Variants in SPRTN observed in about 807,000 individuals in gnomAD.
SPRTN encodes the protein SprT-like N-terminal domain.
Under a neutral mutation model 31.9 loss-of-function variants are expected in SPRTN, and 11 were observed. The ratio of observed to expected loss-of-function variants is 0.34; its 90% CI spans 0.22 to 0.57. The LOEUF (loss-of-function observed/expected upper bound fraction) is 0.57, where lower values mean the gene tolerates loss of function less well. Among genes scored for constraint, SPRTN ranks in the 20% least tolerant of loss-of-function variants. The pLI, the probability that SPRTN is intolerant of heterozygous loss-of-function variation, is 0.86. For synonymous variants in SPRTN, 185 were observed against 212.1 expected (o/e 0.87, Z 1.11); for missense variants, 482 against 590.1 (o/e 0.82, Z 1.90).
rs748708065 is a variant in SPRTN at position 231,352,949 on chromosome 1, G to A, written c.1058G>A (p.Ser353Asn). ...FRGVNGSPRI[S>N]VTVGNIPKNS... ...GGTGTGAATGGATCTCCAAGGATAA[G>A]TGTAACAGTTGGCAACATCCCTAAA... The change falls in exon 5 of 5, where the codon AGT becomes AAT. Residue 353 changes from serine (S) to asparagine (N), a missense_variant. By Grantham distance (46) the Ser-to-Asn change is conservative. This residue lies in a region of SPRTN where 325 missense variants were observed against 350.2 expected (regional missense o/e 0.93). Transcript: ENST00000295050. 3 of 1,614,128 alleles carry A rather than the reference G, an allele frequency of 1.9e-6. No individual in the cohort carries two copies. Among genetic ancestry groups the A allele is most frequent in the South Asian group, 1.1e-5 (1 of 91,084 alleles).
rs756620551 is a variant in SPRTN at position 231,338,404 on chromosome 1, G to A, written c.21G>A (p.Leu7=). The A allele has an allele frequency of 3.7e-6, 6 of 1,614,130 alleles. No homozygotes were observed. In the African/African-American group the frequency reaches 5.3e-5, roughly 14 times the overall value. MDDDLM[L]ALRLQEEWNL... ...CAACGATGGATGATGACTTGATGTT[G>A]GCACTGCGGCTTCAGGAGGAGTGGA... Residue 7 remains leucine, a synonymous_variant, in exon 1 of 5, where the codon TTG becomes TTA. Transcript: ENST00000295050.
Position 231,354,378 on chromosome 1 carries a change from T to G in SPRTN, c.*1017T>G, listed in dbSNP as rs1324054524. On this transcript the variant is annotated 3_prime_UTR_variant, in exon 5 of 5. Coordinates refer to ENST00000295050, the MANE Select transcript of SPRTN (RefSeq NM_032018.7). Reference sequence around the variant, plus strand: ...CCCTAACACAGTTGTTCACAAGTTTTCTTTTTTCTTGTTGCAATTTTCCTT... The same window carrying G: ...CCCTAACACAGTTGTTCACAAGTTTGCTTTTTTCTTGTTGCAATTTTCCTT... 10 of 985,268 alleles carry G rather than the reference T, an allele frequency of 1.0e-5. No homozygotes were observed. The African/African-American group carries it at 1.7e-4, about 17-fold the overall frequency. 61.0% of individuals were successfully genotyped at this position (985,268 alleles called of 1,614,324 possible).
At position 231,338,302 on chromosome 1, in the gene SPRTN, C is replaced by T. The variant is rs983248765; in HGVS notation, c.-82C>T. The T allele has an allele frequency of 1.1e-5, 17 of 1,490,660 alleles. No individual in the cohort carries two copies. The African/African-American group carries it at 1.6e-4, about 14-fold the overall frequency. The allele number at this position is 1,490,660 out of a possible 1,614,324, so 92.3% of individuals were successfully genotyped here. A position where few individuals can be genotyped will look rare whatever the true frequency, so the allele number is the denominator to read the frequency against. On this transcript the variant is annotated 5_prime_UTR_variant, in exon 1 of 5. Coordinates refer to ENST00000295050, the MANE Select transcript of SPRTN (RefSeq NM_032018.7). ...GCATCTCCTAGGAGCTAGTCCTGGTCCTCGGCTAGGCGGCTTGGGGTCGCG... is the reference window on the plus strand; with the variant it reads ...GCATCTCCTAGGAGCTAGTCCTGGTTCTCGGCTAGGCGGCTTGGGGTCGCG...
At position 231,352,990 on chromosome 1, in the gene SPRTN, A is replaced by C. The variant is rs1307460421; in HGVS notation, c.1099A>C (p.Ser367Arg). 1.2e-6 allele frequency: 2 copies of C among 1,614,038 alleles called. No homozygotes were observed. Among genetic ancestry groups the C allele is most frequent in the African/African-American group, 2.7e-5 (2 of 74,938 alleles). ...CATCCCTAAAAACTCAGTCTCTTCT[A>C]GTTCTCAGAGAAGGGTTTCATCTTC... is the stretch of plus-strand genomic sequence containing the variant. ...GNIPKNSVSS[S>R]SQRRVSSSKI... Residue 367 changes from serine to arginine, a missense_variant, in exon 5 of 5, where the codon AGT (serine) becomes CGT (arginine). Ser to Arg is a moderately radical substitution (Grantham distance 110). Transcript: ENST00000295050.
intron 2 of SPRTN, among the ~76,000 whole-genome samples, chr1:231,343,619 C>T (rs1401121002): frequency 1.3e-5 from 2 of 152,036 alleles, no homozygotes; most frequent in African/African-American, 2.4e-5. Flanking sequence ...TTGGACTAAA[C>T]GTCGTCTTTA....
chr1:231,342,634 T>G (rs960221564), intron 2 of SPRTN, among the ~76,000 whole-genome samples: 1 of 151,880 alleles, frequency 6.6e-6, no homozygotes, highest in Non-Finnish European at 1.5e-5. Flanking sequence ...TTTCACCATG[T>G]TGGCTGGTCT....
intron 1 of SPRTN, 117 bp downstream of exon 1, chr1:231,338,721 G>T (rs1686768253): frequency 8.0e-7 from 1 of 1,247,818 alleles, no homozygotes. Context: ...TAAATGAGGG[G>T]AGTCTGGTTT....
intron 3 of SPRTN, among the ~76,000 whole-genome samples, chr1:231,348,672 G>A (rs1257847859): frequency 2.0e-5 from 3 of 152,000 alleles, no homozygotes; most frequent in East Asian, 1.9e-4. Flanking sequence ...TCCCTGAGGC[G>A]TGCCACTGCT....
intron 3 of SPRTN, 30 bp from the exon 4 acceptor site, chr1:231,351,274 T>G: frequency 6.7e-7 from 1 of 1,492,706 alleles, no homozygotes; most frequent in Admixed American, 2.4e-5. Context: ...AACTTGCTTA[T>G]TGAATACTAA....
intron 3 of SPRTN, among the ~76,000 whole-genome samples, chr1:231,349,608 G>A (rs1687162219): frequency 6.6e-6 from 1 of 152,188 alleles, no homozygotes; most frequent in Non-Finnish European, 1.5e-5. Context: ...GTTACATCCT[G>A]TTATAAGGAA....
rs1558360088 is a variant in SPRTN at position 231,338,536 on chromosome 1, G to GT, written c.156dup (p.Asn53Ter). The GT allele has an allele frequency of 5.6e-6, 9 of 1,614,136 alleles. No homozygotes were observed. Among genetic ancestry groups the GT allele is most frequent in the Non-Finnish European group, 7.6e-6 (9 of 1,180,058 alleles). On this transcript the variant is annotated frameshift_variant, in exon 1 of 5. Transcript: ENST00000295050. LOFTEE classifies it high-confidence loss of function. ...CGGACTTGCAGGCACTGTTTGTTCA[G>GT]TTTAACGACCAATTCTTCTGGGGCC...
At chr1:231,352,284 G>T in intron 4 of SPRTN, 1 of 1,040,990 alleles carries the variant, frequency 9.6e-7, no homozygotes, top group African/African-American at 1.7e-5. Context: ...ATAAGAATGA[G>T]GCAGCAGATT....
chr1:231,350,321 A>T (rs1047784414), intron 3 of SPRTN, among the ~76,000 whole-genome samples: 1 of 152,228 alleles, frequency 6.6e-6, no homozygotes, highest in Non-Finnish European at 1.5e-5. Flanking sequence ...TTACATACAG[A>T]TGCTTCTCAC....
Position 231,353,938 on chromosome 1 carries a change from A to C in SPRTN, c.*577A>C. On this transcript the variant is annotated 3_prime_UTR_variant, in exon 5 of 5. Coordinates refer to ENST00000295050, the MANE Select transcript of SPRTN (RefSeq NM_032018.7). ...GAATTTTATTTGTCCCACTTTTACT[A>C]AACAGTGGCAGCAGATTTTAAGTTA... 1 of 931,130 alleles carries C rather than the reference A, an allele frequency of 1.1e-6. No homozygotes were observed. Among genetic ancestry groups the C allele is most frequent in the Non-Finnish European group, 1.3e-6 (1 of 780,338 alleles). The allele number at this position is 931,130 out of a possible 1,614,324, so 57.7% of individuals were successfully genotyped here. A position where few individuals can be genotyped will look rare whatever the true frequency, so the allele number is the denominator to read the frequency against.
chr1:231,346,277 C>T (rs1687060203), intron 2 of SPRTN, among the ~76,000 whole-genome samples: 1 of 149,910 alleles, frequency 6.7e-6, no homozygotes, highest in Admixed American at 6.7e-5. Flanking sequence ...CAACCTCTGC[C>T]TCCCAGGTTC....
At position 231,354,842 on chromosome 1, in the gene SPRTN, TTC is replaced by T. The variant is rs539272195; in HGVS notation, c.*1483_*1484del. 505 of 187,018 alleles carry T rather than the reference TTC, an allele frequency of 2.7e-3. 4 individuals carry two copies. Among genetic ancestry groups the T allele is most frequent in the African/African-American group, 0.011 (475 of 42,168 alleles). 11.6% of individuals were successfully genotyped at this position (187,018 alleles called of 1,614,324 possible). ...GGAATTGCTGAGTCACGGGGTATAT[TTC>T]TGTTTAGCTTTAGTAAATTCTGCCA... On this transcript the variant is annotated 3_prime_UTR_variant, in exon 5 of 5. Transcript: ENST00000295050.
chr1:231,338,823 A>G (rs1686772227), intron 1 of SPRTN, among the ~76,000 whole-genome samples: 1 of 152,200 alleles, frequency 6.6e-6, no homozygotes, highest in Admixed American at 6.5e-5. Flanking sequence ...CCACACCGCC[A>G]CGGTTGGACT....
chr1:231,341,634 T>A (rs753646092), intron 2 of SPRTN, among the ~76,000 whole-genome samples: 1 of 152,130 alleles, frequency 6.6e-6, no homozygotes, highest in African/African-American at 2.4e-5. Flanking sequence ...ACATAATCTC[T>A]CCAAAAGTAA....
rs754020499 is a variant in SPRTN at position 231,351,305 on chromosome 1, T to A, written c.452T>A (p.Val151Glu). The A allele has an allele frequency of 6.3e-7, 1 of 1,594,974 alleles. No homozygotes were observed. The highest frequency in any genetic ancestry group is 1.1e-5 in the South Asian group (1 of 88,940). ...ACTAAAAATTCTGTCTCCACTCAGG[T>A]ATACCATACTTTTCACGATGAGGTG... ...INSLTGANIT[V>E]YHTFHDEVDE... Residue 151 changes from valine to glutamate, a missense_variant and splice_region_variant, in exon 4 of 5, where the codon GTA (valine) becomes GAA (glutamate). Val to Glu is a moderately radical substitution (Grantham distance 121). Transcript: ENST00000295050.
Sources: allele counts gnomAD v4.1 joint callset (sites outside exome capture counted in the v4.1 genomes callset), GRCh38; gene constraint gnomAD v4.1.1; regional missense constraint gnomAD v4.1.1; transcripts MANE v1.5; gene names NCBI Gene and HGNC (gene_info 2026-07-23, HGNC 2026-07-21).